NKD2: variants seen among roughly 807,000 people sequenced by gnomAD.
NKD2 encodes protein naked cuticle homolog 2.
NKD2 carries 43 observed loss-of-function variants against 34.8 expected under a neutral mutation model. That is an observed-to-expected ratio of 1.24 (90% CI 0.97 to 1.60). The LOEUF is 1.60. Among genes scored for constraint, NKD2 ranks in the 40% most tolerant of loss-of-function variants. The pLI is 0.00. For missense variants in NKD2, 675 were observed against 627.1 expected (o/e 1.08, Z -0.82); for synonymous variants, 278 against 265.1 (o/e 1.05, Z -0.47).
intron 6 of NKD2, among the ~76,000 whole-genome samples, 182 bp downstream of exon 6, chr5:1,034,512 C>T (rs578225599): frequency 1.6e-4 from 24 of 152,300 alleles, no homozygotes; most frequent in Non-Finnish European, 2.8e-4. Flanking sequence ...GAGCCTGCGC[C>T]GCCCATTTCT....
intron 3 of NKD2, among the ~76,000 whole-genome samples, chr5:1,030,644 C>T (rs939380017): frequency 3.3e-5 from 5 of 152,244 alleles, no homozygotes; most frequent in Admixed American, 2.6e-4. Context: ...GCGGTGCCTC[C>T]CTGCTGTGTG....
Position 1,034,468 on chromosome 5 carries a change from TC to T in NKD2, c.426+142del, listed in dbSNP as rs1733723369. The T allele has an allele frequency of 6.5e-6, 5 of 766,620 alleles. No homozygotes were observed. The Admixed American group carries it at 1.0e-4, about 15-fold the overall frequency. The allele number at this position is 766,620 out of a possible 1,614,324, so 47.5% of individuals were successfully genotyped here. On this transcript the variant is annotated intron_variant, in intron 6 of 9. Coordinates refer to ENST00000296849, the MANE Select transcript of NKD2 (RefSeq NM_033120.4). ...TCCTCATGCCAGCTGGGCTTGCGTC[TC>T]CCCAGGGCCCAGTTCACGTGTGTTT...
intron 6 of NKD2, among the ~76,000 whole-genome samples, 172 bp from the exon 7 acceptor site, chr5:1,034,584 C>T (rs1328917495): frequency 6.6e-6 from 1 of 152,176 alleles, no homozygotes; most frequent in African/African-American, 2.4e-5. Flanking sequence ...CACAGGGCCA[C>T]CTGGGCAGAC....
intron 8 of NKD2, 41 bp from the exon 9 acceptor site, chr5:1,036,216 A>C (rs1158792864): frequency 6.6e-7 from 1 of 1,504,324 alleles, no homozygotes; most frequent in East Asian, 2.4e-5. Context: ...TGCGCCACCC[A>C]GTCTGTGCGG....
In NKD2 at chr5:1,009,480, G is replaced by A. The variant is rs960322643; in HGVS notation, c.62-1G>A. 3 of 1,498,480 alleles carry A rather than the reference G, an allele frequency of 2.0e-6. No homozygotes were observed. The highest frequency in any genetic ancestry group is 2.7e-6 in the Non-Finnish European group (3 of 1,131,696). The allele number at this position is 1,498,480 out of a possible 1,614,324, so 92.8% of individuals were successfully genotyped here. A position where few individuals can be genotyped will look rare whatever the true frequency, so the allele number is the denominator to read the frequency against. On this transcript the variant is annotated splice_acceptor_variant, in intron 2 of 9. Coordinates refer to ENST00000296849, the MANE Select transcript of NKD2 (RefSeq NM_033120.4). LOFTEE classifies it high-confidence loss of function. The surrounding 1 kb of genome is among the most constrained non-coding windows in gnomAD (Gnocchi z 6.9). ...CCCGCGCGTCCGCCCCCGGACCGCA[G>A]GGGACAGCTTCGTGGCGTCCGCGTA... is the stretch of plus-strand genomic sequence containing the variant.
At chr5:1,014,285 C>G (rs1755862618) in intron 3 of NKD2, among the ~76,000 whole-genome samples, 1 of 152,202 alleles carries the variant, frequency 6.6e-6, no homozygotes, top group South Asian at 2.1e-4. Context: ...GGCTGGTTTG[C>G]AATCCTCGGA....
At chr5:1,033,744 A>G (rs2150747646) in intron 5 of NKD2, among the ~76,000 whole-genome samples, 1 of 152,228 alleles carries the variant, frequency 6.6e-6, no homozygotes, top group East Asian at 1.9e-4. Context: ...GCATCAAATA[A>G]CTTGAGCCGC....
intron 3 of NKD2, among the ~76,000 whole-genome samples, chr5:1,015,519 C>T (rs1473705308): frequency 6.6e-6 from 1 of 152,194 alleles, no homozygotes; most frequent in Non-Finnish European, 1.5e-5. Flanking sequence ...AGCCCTATGT[C>T]CTTCCTGCAG....
intron 3 of NKD2, among the ~76,000 whole-genome samples, chr5:1,013,856 A>G (rs1394332579): frequency 6.6e-6 from 1 of 152,148 alleles, no homozygotes; most frequent in Non-Finnish European, 1.5e-5. Flanking sequence ...GTGCATTCTC[A>G]GTGTCGGCCC....
chr5:1,038,105 C>T lies in NKD2; in HGVS notation c.1088C>T (p.Pro363Leu), dbSNP rs1308171526. 6.2e-6 allele frequency: 10 copies of T among 1,602,456 alleles called. No homozygotes were observed. Among genetic ancestry groups the T allele is most frequent in the African/African-American group, 4.0e-5 (3 of 74,902 alleles). Reference sequence around the variant, plus strand: ...TACTACCTGCCGGCCGTCCTGCCGCCCCAGGCCCCTCAGGACGGCCACCAC... The same window carrying T: ...TACTACCTGCCGGCCGTCCTGCCGCTCCAGGCCCCTCAGGACGGCCACCAC... ...FSYYLPAVLPPQAPQDGHHLP... is the reference protein window; with the variant it reads ...FSYYLPAVLPLQAPQDGHHLP... Residue 363 changes from proline to leucine, a missense_variant, in exon 10 of 10, where the codon CCC (proline) becomes CTC (leucine). Coordinates refer to ENST00000296849, the MANE Select transcript of NKD2 (RefSeq NM_033120.4). The surrounding 1 kb of genome is among the most constrained non-coding windows in gnomAD (Gnocchi z 4.5).
At position 1,038,901 on chromosome 5, in the gene NKD2, G is replaced by A; in HGVS notation, c.*528G>A. The A allele has an allele frequency of 3.9e-6, 1 of 255,968 alleles. No homozygotes were observed. The highest frequency in any genetic ancestry group is 7.7e-6 in the Non-Finnish European group (1 of 129,576). 15.9% of individuals were successfully genotyped at this position (255,968 alleles called of 1,614,324 possible). A position where few individuals can be genotyped will look rare whatever the true frequency, so the allele number is the denominator to read the frequency against. On this transcript the variant is annotated 3_prime_UTR_variant, in exon 10 of 10. Coordinates refer to ENST00000296849, the MANE Select transcript of NKD2 (RefSeq NM_033120.4). The surrounding 1 kb of genome is among the most constrained non-coding windows in gnomAD (Gnocchi z 4.5). Reference sequence around the variant, plus strand: ...AGGGAGCATCCGCGGCTCCCCGCAGGAGGCCAAGCAGCAGAAGGCAGCAGT... The same window carrying A: ...AGGGAGCATCCGCGGCTCCCCGCAGAAGGCCAAGCAGCAGAAGGCAGCAGT...
intron 5 of NKD2, among the ~76,000 whole-genome samples, chr5:1,033,975 A>G (rs957157960): frequency 1.3e-5 from 2 of 152,228 alleles, no homozygotes; most frequent in Non-Finnish European, 2.9e-5. Context: ...GAGTGCTTGC[A>G]TGAGCTGAGA....
intron 3 of NKD2, among the ~76,000 whole-genome samples, chr5:1,026,870 C>G (rs1174869205): frequency 6.6e-6 from 1 of 152,200 alleles, no homozygotes; most frequent in African/African-American, 2.4e-5. Context: ...TGGCTGCAGC[C>G]TAAGCTTGGC....
chr5:1,028,332 AG>A (rs1198909079), intron 3 of NKD2, among the ~76,000 whole-genome samples: 2 of 152,184 alleles, frequency 1.3e-5, no homozygotes, highest in African/African-American at 2.4e-5. Flanking sequence ...GCCGTGTGAC[AG>A]ACGCCTGCTG....
At chr5:1,024,650 C>T (rs1756326072) in intron 3 of NKD2, among the ~76,000 whole-genome samples, 1 of 81,326 alleles carries the variant, frequency 1.2e-5, no homozygotes, top group African/African-American at 5.1e-5. Flanking sequence ...GGCGTCCCAG[C>T]CCTTTGTCCC....
At chr5:1,022,046 C>G (rs569227084) in intron 3 of NKD2, among the ~76,000 whole-genome samples, 1 of 151,306 alleles carries the variant, frequency 6.6e-6, no homozygotes, top group Non-Finnish European at 1.5e-5. Context: ...TCCCACCCTC[C>G]CCCTACCGCC....
chr5:1,038,540 A>C lies in NKD2; in HGVS notation c.*167A>C. On this transcript the variant is annotated 3_prime_UTR_variant, in exon 10 of 10. Transcript: ENST00000296849. The surrounding 1 kb of genome is among the most constrained non-coding windows in gnomAD (Gnocchi z 4.5). ...GGTGCTGGCATGATGGAGGTGGTGC[A>C]CCTTGGACACGTGGACAAGGCCCAG... is the stretch of plus-strand genomic sequence containing the variant. 7.1e-7 allele frequency: 1 copy of C among 1,408,204 alleles called. No homozygotes were observed. The highest frequency in any genetic ancestry group is 9.7e-7 in the Non-Finnish European group (1 of 1,033,338). 87.2% of individuals were successfully genotyped at this position (1,408,204 alleles called of 1,614,324 possible).
intron 3 of NKD2, among the ~76,000 whole-genome samples, chr5:1,011,269 C>T (rs1755740322): frequency 1.3e-5 from 2 of 152,198 alleles, no homozygotes. Flanking sequence ...GCCATGACTC[C>T]TCCCACCTGG....
chr5:1,024,718 T>TA (rs1454126193), intron 3 of NKD2, among the ~76,000 whole-genome samples: 1 of 52,408 alleles, frequency 1.9e-5, no homozygotes, highest in Non-Finnish European at 3.9e-5. Flanking sequence ...TCCCACCCTC[T>TA]GTGGGCGTCT....
Sources: gnomAD v4.1 joint callset for allele counts (sites outside exome capture counted in the v4.1 genomes callset) on GRCh38, gnomAD v4.1.1 for gene constraint, Gnocchi (gnomAD v3.1) non-coding constraint, MANE v1.5 for transcripts, NCBI Gene and HGNC (gene_info 2026-07-23, HGNC 2026-07-21) for gene names.